RXFP2: variants seen among roughly 807,000 people sequenced by gnomAD.
RXFP2 encodes the protein relaxin receptor 2.
In RXFP2, 68 loss-of-function variants were observed where a neutral mutation model predicts 88.6. That is an observed-to-expected ratio of 0.77 (90% CI 0.63 to 0.94). The LOEUF (loss-of-function observed/expected upper bound fraction) is 0.94, where lower values mean the gene tolerates loss of function less well. RXFP2 is among the 40% of genes least tolerant of loss of function. RXFP2 has a pLI of 0.00. For missense variants in RXFP2, 791 were observed against 893.9 expected (o/e 0.88, Z 1.47); for synonymous variants, 329 against 306.8 (o/e 1.07, Z -0.76).
chr13:31,797,433 A>G lies in RXFP2; in HGVS notation c.2005+14A>G, dbSNP rs374354588. 12 of 1,584,384 alleles carry G rather than the reference A, an allele frequency of 7.6e-6. No individual in the cohort carries two copies. In the African/African-American group the frequency reaches 1.2e-4, roughly 16 times the overall value. On this transcript the variant is annotated intron_variant, in intron 17 of 17. Coordinates refer to ENST00000298386, the MANE Select transcript of RXFP2 (RefSeq NM_130806.5). ...TGGAAATACCAGGTCAGTCTCTTCT[A>G]TCATTCCCAAGTATAATACATCGTG...
At chr13:31,798,402 G>T (rs921909151) in intron 17 of RXFP2, among the ~76,000 whole-genome samples, 2 of 152,218 alleles carry the variant, frequency 1.3e-5, no homozygotes, top group Non-Finnish European at 2.9e-5. Context: ...AGGAGATCAG[G>T]TCAGGGCTGA....
chr13:31,765,414 T>C (rs1361632208), intron 4 of RXFP2, among the ~76,000 whole-genome samples: 6 of 145,546 alleles, frequency 4.1e-5, no homozygotes, highest in African/African-American at 1.3e-4. Flanking sequence ...TGATTACTAC[T>C]GTCCTTGTGT....
intron 17 of RXFP2, 77 bp from the exon 18 acceptor site, chr13:31,802,069 T>G: frequency 7.0e-7 from 1 of 1,437,804 alleles, no homozygotes; most frequent in Non-Finnish European, 9.7e-7. Context: ...TAAATAGCAT[T>G]GACTGCAAAG....
chr13:31,789,961 C>T (rs750711634), intron 14 of RXFP2, among the ~76,000 whole-genome samples: 8 of 152,084 alleles, frequency 5.3e-5, no homozygotes, highest in Non-Finnish European at 1.0e-4. Context: ...TTCTGTGGCA[C>T]TATTAGATAA....
chr13:31,786,331 T>G, intron 11 of RXFP2, 52 bp from the exon 12 acceptor site: 1 of 1,211,028 alleles, frequency 8.3e-7, no homozygotes, highest in Non-Finnish European at 1.2e-6. Context: ...GAGTAATAAG[T>G]CTGTCATTTA....
intron 2 of RXFP2, 99 bp from the exon 3 acceptor site, chr13:31,761,625 A>T: frequency 1.3e-6 from 1 of 774,896 alleles, no homozygotes; most frequent in Non-Finnish European, 2.3e-6. Flanking sequence ...TCTATTACTT[A>T]AACATATTTT....
At chr13:31,774,756 A>G in intron 6 of RXFP2, 65 bp downstream of exon 6, 1 of 897,980 alleles carries the variant, frequency 1.1e-6, no homozygotes, top group Non-Finnish European at 1.9e-6. Context: ...ATAGAATGGT[A>G]CTTTTTCAAG....
rs569512360 is a variant in RXFP2, at chr13:31,756,162, G to T, written c.95-2096G>T. ...TGCCCTTTAACAAATGACATCATTT[G>T]TTAATGAGAGCAGCAGGTTCTACCT... On this transcript the variant is annotated intron_variant, in intron 1 of 17. Coordinates refer to ENST00000298386, the MANE Select transcript of RXFP2 (RefSeq NM_130806.5). Among the ~76,000 whole-genome samples, 4 of 152,328 alleles carry T rather than the reference G, an allele frequency of 2.6e-5. No homozygotes were observed. In the South Asian group the frequency reaches 8.3e-4, roughly 32 times the overall value.
chr13:31,757,930 A>T (rs530872802), intron 1 of RXFP2, among the ~76,000 whole-genome samples: 2 of 152,154 alleles, frequency 1.3e-5, no homozygotes, highest in East Asian at 3.9e-4. Context: ...CGTCTCTACT[A>T]AAAATACAAA....
At position 31,802,899 on chromosome 13, in the gene RXFP2, A is replaced by C. The variant is rs771829347; in HGVS notation, c.*494A>C. On this transcript the variant is annotated 3_prime_UTR_variant, in exon 18 of 18. Transcript: ENST00000298386. ...CAAAGGATTTCCAAAATATTCATCT[A>C]CCCGAAGTCCTCCTCTGTGAAGGCC... 6.1e-6 allele frequency: 1 copy of C among 164,328 alleles called. No homozygotes were observed. The highest frequency in any genetic ancestry group is 2.4e-5 in the African/African-American group (1 of 41,582). The allele number at this position is 164,328 out of a possible 1,614,324, so 10.2% of individuals were successfully genotyped here. A position where few individuals can be genotyped will look rare whatever the true frequency, so the allele number is the denominator to read the frequency against.
intron 1 of RXFP2, 55 bp downstream of exon 1, chr13:31,739,761 C>A (rs1871152530): frequency 9.7e-7 from 1 of 1,032,946 alleles, no homozygotes; most frequent in Non-Finnish European, 1.5e-6. Flanking sequence ...AAATACATTT[C>A]TATGTAGTTC....
intron 5 of RXFP2, among the ~76,000 whole-genome samples, chr13:31,773,950 T>A (rs954012831): frequency 1.3e-5 from 2 of 152,196 alleles, no homozygotes; most frequent in Non-Finnish European, 1.5e-5. Flanking sequence ...AACTTCCCAT[T>A]GTACAATGAA....
intron 4 of RXFP2, among the ~76,000 whole-genome samples, chr13:31,765,498 T>C (rs1872514881): frequency 6.6e-6 from 1 of 152,142 alleles, no homozygotes; most frequent in Non-Finnish European, 1.5e-5. Context: ...GTTGGTAATC[T>C]ATCCAAGACT....
chr13:31,755,254 A>T (rs1481793739), intron 1 of RXFP2, among the ~76,000 whole-genome samples: 1 of 152,222 alleles, frequency 6.6e-6, no homozygotes, highest in Admixed American at 6.5e-5. Context: ...TTAGGGGATC[A>T]TGAAATCAAC....
chr13:31,762,690 T>C (rs867720920), intron 3 of RXFP2, among the ~76,000 whole-genome samples: 8 of 152,302 alleles, frequency 5.3e-5, no homozygotes, highest in South Asian at 4.1e-4. Context: ...TAGTATTTTA[T>C]GTACTCTATA....
chr13:31,774,548 G>A (rs1872859345), intron 5 of RXFP2, 72 bp from the exon 6 acceptor site: 1 of 819,808 alleles, frequency 1.2e-6, no homozygotes, highest in Non-Finnish European at 2.2e-6. Flanking sequence ...AAAGAAAGTG[G>A]AGAATATGTT....
At chr13:31,775,476 A>G (rs961383598) in intron 7 of RXFP2, 87 bp downstream of exon 7, 1 of 993,172 alleles carries the variant, frequency 1.0e-6, no homozygotes, top group Non-Finnish European at 1.6e-6. Flanking sequence ...ACTATTTGAC[A>G]TATCTTATTT....
chr13:31,748,709 A>G (rs12430719), intron 1 of RXFP2, among the ~76,000 whole-genome samples: 1 of 152,142 alleles, frequency 6.6e-6, no homozygotes, highest in Non-Finnish European at 1.5e-5. Flanking sequence ...CAGGCCAGGC[A>G]CTGTGTAAAA....
chr13:31,769,268 C>T (rs909246144), intron 5 of RXFP2, among the ~76,000 whole-genome samples: 7 of 152,134 alleles, frequency 4.6e-5, no homozygotes, highest in African/African-American at 1.4e-4. Context: ...TCAAACAATT[C>T]ACTAATAATT....
Sources: allele counts gnomAD v4.1 joint callset (sites outside exome capture counted in the v4.1 genomes callset), GRCh38; gene constraint gnomAD v4.1.1; transcripts MANE v1.5; gene names NCBI Gene and HGNC (gene_info 2026-07-23, HGNC 2026-07-21).